C22orf31: variants seen among roughly 807,000 people sequenced by gnomAD.
C22orf31 encodes uncharacterized protein C22orf31.
A neutral mutation model predicts 15.0 loss-of-function variants in C22orf31; 11 were observed. The ratio of observed to expected loss-of-function variants is 0.73; its 90% CI spans 0.46 to 1.21. The LOEUF (loss-of-function observed/expected upper bound fraction) is 1.21. Ranked by LOEUF, C22orf31 falls within the 50% of genes most tolerant of loss-of-function variation. The probability of loss-of-function intolerance (pLI) is 0.00; values close to 1 mark genes in which losing one functional copy is unlikely to be tolerated. For missense variants in C22orf31, 340 were observed against 347.2 expected (o/e 0.98, Z 0.17); for synonymous variants, 132 against 133.3 (o/e 0.99, Z 0.07).
At chr22:29,061,868 C>G (rs1319881813), upstream of C22orf31, 12 of 1,213,600 alleles carry the variant, frequency 9.9e-6, no homozygotes, top group Non-Finnish European at 1.3e-5. Context: ...TCCTTTTTCT[C>G]TCTCTCTCTT....
rs2123899363 is a variant in C22orf31 at position 29,060,551 on chromosome 22, C to A, written c.296G>T (p.Gly99Val). Reference sequence around the variant, plus strand: ...GTGCTTTAATCTCTTCGAGAGTTTTCCTTCTCCAAACTTGCATGGTGGTGG... The same window carrying A: ...GTGCTTTAATCTCTTCGAGAGTTTTACTTCTCCAAACTTGCATGGTGGTGG... ...CCPPPCKFGE[G>V]KLSKRLKHKD... Residue 99 changes from glycine (G) to valine (V), a missense_variant, in exon 2 of 3, where the codon GGA becomes GTA. By Grantham distance (109) the Gly-to-Val change is moderately radical. Coordinates refer to ENST00000216071, the MANE Select transcript of C22orf31 (RefSeq NM_015370.2). 1 of 1,614,172 alleles carries A rather than the reference C, an allele frequency of 6.2e-7. No homozygotes were observed. Among genetic ancestry groups the A allele is most frequent in the South Asian group, 1.1e-5 (1 of 91,078 alleles).
At chr22:29,071,295 T>C in the C22orf31 span, among the ~76,000 whole-genome samples, 1 of 152,208 alleles carries the variant, frequency 6.6e-6, no homozygotes, top group Non-Finnish European at 1.5e-5. Context: ...AAGATTCTTC[T>C]TGCTACAGCG....
At chr22:29,060,300 T>A (rs542883611) in intron 2 of C22orf31, 115 bp downstream of exon 2, 1 of 1,020,280 alleles carries the variant, frequency 9.8e-7, no homozygotes, top group Non-Finnish European at 1.4e-6. Context: ...CCCAAAGTGC[T>A]GAGATTATAG....
In C22orf31 at chr22:29,061,383, C is replaced by T. The variant is rs1411202537; in HGVS notation, c.3+407G>A. On this transcript the variant is annotated intron_variant, in intron 1 of 2. Transcript: ENST00000216071. ...CCGGGCTCAAGGGATTCTTCTGCCT[C>T]AGCCTCCGAAGTAGTTGAGATTACA... is the stretch of plus-strand genomic sequence containing the variant. Among the ~76,000 whole-genome samples the T allele has an allele frequency of 3.3e-5, 5 of 152,172 alleles. 1 individual carries two copies. Among genetic ancestry groups the T allele is most frequent in the African/African-American group, 1.2e-4 (5 of 41,434 alleles).
the C22orf31 span, among the ~76,000 whole-genome samples, chr22:29,067,328 A>ATACT: frequency 6.6e-6 from 1 of 151,736 alleles, no homozygotes; most frequent in East Asian, 1.9e-4. Context: ...CCTGAGGCAC[A>ATACT]TACTTCACTT....
chr22:29,072,152 T>G, the C22orf31 span, among the ~76,000 whole-genome samples: 1 of 152,026 alleles, frequency 6.6e-6, no homozygotes, highest in Non-Finnish European at 1.5e-5. Flanking sequence ...TTTGTTTTTG[T>G]TTTTGTTTTT....
At chr22:29,066,399 A>G (rs570431795), upstream of C22orf31, among the ~76,000 whole-genome samples, 1 of 152,208 alleles carries the variant, frequency 6.6e-6, no homozygotes, top group Non-Finnish European at 1.5e-5. Context: ...GATTTGGACC[A>G]CATGTGCTGA....
rs753747712 is a variant in C22orf31 at position 29,059,082 on chromosome 22, CT to C, written c.532del (p.Ser178ValfsTer26). On this transcript the variant is annotated frameshift_variant, in exon 3 of 3. Coordinates refer to ENST00000216071, the MANE Select transcript of C22orf31 (RefSeq NM_015370.2). LOFTEE classifies it low-confidence loss of function (END_TRUNC). Reference sequence around the variant, plus strand: ...TCGGCCCTTCCAGGCTGCTGTCCCACTGTCCTGGGGTAGCGCTTGGGTGGCA... The same window carrying C: ...TCGGCCCTTCCAGGCTGCTGTCCCACGTCCTGGGGTAGCGCTTGGGTGGCA... ...VAATQALPQD[S>X]GTAAWKGRVL... 4.3e-6 allele frequency: 7 copies of C among 1,614,056 alleles called. No homozygotes were observed. The highest frequency in any genetic ancestry group is 5.9e-6 in the Non-Finnish European group (7 of 1,179,996).
intron 1 of C22orf31, among the ~76,000 whole-genome samples, chr22:29,061,570 AC>A (rs1443987993): frequency 6.6e-6 from 1 of 152,128 alleles, no homozygotes; most frequent in Non-Finnish European, 1.5e-5. Flanking sequence ...TCGGCTGAAT[AC>A]ACTTTCTAAC....
At chr22:29,068,648 G>T in the C22orf31 span, among the ~76,000 whole-genome samples, 1 of 151,508 alleles carries the variant, frequency 6.6e-6, no homozygotes, top group South Asian at 2.1e-4. Context: ...CTGACCTCAT[G>T]ATCTGCCCAC....
At position 29,061,822 on chromosome 22, in the gene C22orf31, T is replaced by A. The variant is rs1224377933; in HGVS notation, c.-30A>T. On this transcript the variant is annotated 5_prime_UTR_variant, in exon 1 of 3. Coordinates refer to ENST00000216071, the MANE Select transcript of C22orf31 (RefSeq NM_015370.2). The stretch of plus-strand genomic sequence containing the variant: ...CAGTTGCCTTAAATTTTATTTTCGC[T>A]AGCTTAGTAAGGGGAAGAAATATGT... 6.6e-7 allele frequency: 1 copy of A among 1,520,566 alleles called. No homozygotes were observed. The highest frequency in any genetic ancestry group is 1.4e-5 in the African/African-American group (1 of 72,208). The allele number at this position is 1,520,566 out of a possible 1,614,324, so 94.2% of individuals were successfully genotyped here.
the C22orf31 span, among the ~76,000 whole-genome samples, chr22:29,073,576 C>T: frequency 6.6e-6 from 1 of 151,950 alleles, no homozygotes; most frequent in Admixed American, 6.5e-5. This position sits in a 1 kb window ranked among gnomAD's most constrained non-coding sequence, Gnocchi z 4.4. Flanking sequence ...ATCTGGGACC[C>T]GCTGCCCGAG....
At chr22:29,072,593 AC>A in the C22orf31 span, among the ~76,000 whole-genome samples, 1 of 152,144 alleles carries the variant, frequency 6.6e-6, no homozygotes, top group African/African-American at 2.4e-5. Flanking sequence ...TCTTTTTTTA[AC>A]CATTACGATG....
chr22:29,065,310 G>T (rs1388854313), upstream of C22orf31, among the ~76,000 whole-genome samples: 2 of 151,938 alleles, frequency 1.3e-5, no homozygotes. Context: ...GTGGTGGCTC[G>T]CACCTATAAT....
In C22orf31 at chr22:29,058,921, G is replaced by C. The variant is rs201956712; in HGVS notation, c.694C>G (p.Pro232Ala). 6.8e-6 allele frequency: 11 copies of C among 1,614,150 alleles called. No individual in the cohort carries two copies. The East Asian group carries it at 1.6e-4, about 23-fold the overall frequency. Residue 232 changes from proline (P) to alanine (A), a missense_variant, in exon 3 of 3, where the codon CCC (proline) becomes GCC (alanine). Coordinates refer to ENST00000216071, the MANE Select transcript of C22orf31 (RefSeq NM_015370.2). The part of the protein sequence containing the change: ...EPMLWNPSGT[P>A]KRYSLELGKA... ...CCCAGCTCCAGGCTGTACCTCTTGGGGGTCCCTGAAGGATTCCACAGCATT... is the reference window on the plus strand; with the variant it reads ...CCCAGCTCCAGGCTGTACCTCTTGGCGGTCCCTGAAGGATTCCACAGCATT...
the C22orf31 span, among the ~76,000 whole-genome samples, chr22:29,070,519 G>T: frequency 6.6e-6 from 1 of 152,220 alleles, no homozygotes; most frequent in Non-Finnish European, 1.5e-5. Flanking sequence ...AAACCTGAAT[G>T]AGATGCAGAA....
At chr22:29,066,387 A>T (rs2037429532), upstream of C22orf31, among the ~76,000 whole-genome samples, 1 of 152,160 alleles carries the variant, frequency 6.6e-6, no homozygotes, top group Non-Finnish European at 1.5e-5. Flanking sequence ...CGGAGGACCA[A>T]TGATTTGGAC....
At chr22:29,064,997 G>A (rs2037419735), upstream of C22orf31, among the ~76,000 whole-genome samples, 1 of 151,856 alleles carries the variant, frequency 6.6e-6, no homozygotes, top group Admixed American at 6.6e-5. Flanking sequence ...GAGATTACAG[G>A]TGTGCACCAC....
At chr22:29,065,569 G>A (rs1440713266), upstream of C22orf31, among the ~76,000 whole-genome samples, 1 of 152,212 alleles carries the variant, frequency 6.6e-6, no homozygotes, top group Admixed American at 6.5e-5. Flanking sequence ...CAGAAGTGTT[G>A]AATGTAGAGG....
Sources: gnomAD v4.1 joint callset for allele counts (sites outside exome capture counted in the v4.1 genomes callset) on GRCh38, gnomAD v4.1.1 for gene constraint, Gnocchi (gnomAD v3.1) non-coding constraint, MANE v1.5 for transcripts, NCBI Gene and HGNC (gene_info 2026-07-23, HGNC 2026-07-21) for gene names.